SLC26A7: variants seen among roughly 807,000 people sequenced by gnomAD.
SLC26A7 encodes anion exchange transporter.
In SLC26A7, 59 loss-of-function variants were observed where a neutral mutation model predicts 82.5. That is an observed-to-expected ratio of 0.72 (90% CI 0.58 to 0.89). SLC26A7 has a LOEUF of 0.89. SLC26A7 is among the 40% of genes least tolerant of loss of function. The pLI, the probability that SLC26A7 is intolerant of heterozygous loss-of-function variation, is 0.00. For missense variants in SLC26A7, 820 were observed against 793.0 expected, an observed-to-expected ratio of 1.03 and a Z score of -0.41; for synonymous variants, 271 against 274.3, an observed-to-expected ratio of 0.99 and a Z score of 0.12.
At chr8:91,304,940 C>A (rs545118930) in intron 4 of SLC26A7, among the ~76,000 whole-genome samples, 17 of 152,308 alleles carry the variant, frequency 1.1e-4, no homozygotes, top group Admixed American at 3.9e-4. Flanking sequence ...CAAACATAAT[C>A]ATCTCAGAGA....
chr8:91,394,382 A>G lies in SLC26A7; in HGVS notation c.1935+343A>G, dbSNP rs978550851. On this transcript the variant is annotated intron_variant, in intron 18 of 18. Transcript: ENST00000276609. ...GAATCCACCTTTCTCAAATATAAAAACTCTAAATATGGCCTTTTAAGTTTT... is the reference window on the plus strand; with the variant it reads ...GAATCCACCTTTCTCAAATATAAAAGCTCTAAATATGGCCTTTTAAGTTTT... 4.0e-6 allele frequency: 6 copies of G among 1,513,660 alleles called. No individual in the cohort carries two copies. In the African/African-American group the frequency reaches 5.6e-5, roughly 14 times the overall value. The allele number at this position is 1,513,660 out of a possible 1,614,324, so 93.8% of individuals were successfully genotyped here. A position where few individuals can be genotyped will look rare whatever the true frequency, so the allele number is the denominator to read the frequency against.
chr8:91,332,341 A>G (rs1352883044), intron 5 of SLC26A7, among the ~76,000 whole-genome samples: 1 of 136,032 alleles, frequency 7.4e-6, no homozygotes, highest in South Asian at 2.2e-4. Flanking sequence ...TATTATATAT[A>G]ATATATATAA....
rs753793088 is a variant in SLC26A7, at chr8:91,351,810, G to A, written c.1141G>A (p.Val381Met). 2 of 1,606,938 alleles carry A rather than the reference G, an allele frequency of 1.2e-6. No individual in the cohort carries two copies. The highest frequency in any genetic ancestry group is 1.1e-5 in the South Asian group (1 of 90,782). The change falls in exon 10 of 19, where the codon GTG (valine) becomes ATG (methionine). Residue 381 changes from valine to methionine, a missense_variant and splice_region_variant. Physicochemically the swap from Val to Met is conservative, Grantham distance 21. Coordinates refer to ENST00000276609, the MANE Select transcript of SLC26A7 (RefSeq NM_052832.4). ...TTTTTGTCTGTCTTGTATTTTACAG[G>A]TGGCTTGTCTAATATCTTGCATTTT... ...GLYSTGAKTQ[V>M]ACLISCIFVL...
chr8:91,218,359 A>AGAAC (rs377428922), intron 1 of SLC26A7, among the ~76,000 whole-genome samples: 1 of 11,540 alleles, frequency 8.7e-5, no homozygotes, highest in Non-Finnish European at 1.9e-4. Flanking sequence ...TGTACAAATT[A>AGAAC]TTTTGAAGTA....
chr8:91,213,643 T>A (rs1201696954), intron 1 of SLC26A7, among the ~76,000 whole-genome samples: 1 of 152,100 alleles, frequency 6.6e-6, no homozygotes, highest in Non-Finnish European at 1.5e-5. Flanking sequence ...ATTAAATGAG[T>A]GATAGAGACC....
intron 4 of SLC26A7, among the ~76,000 whole-genome samples, chr8:91,300,861 T>A (rs186345050): frequency 2.2e-3 from 335 of 152,318 alleles, no homozygotes; most frequent in Non-Finnish European, 3.9e-3. Flanking sequence ...CTCCACAAAT[T>A]ATAATGCAGT....
chr8:91,285,433 G>A (rs13280977), intron 2 of SLC26A7, among the ~76,000 whole-genome samples: 8,398 of 152,334 alleles, frequency 0.055, 269 homozygotes, highest in African/African-American at 0.069. Flanking sequence ...AAGGACACCA[G>A]TCATATTGCA....
Position 91,389,412 on chromosome 8 carries a change from T to C in SLC26A7, c.1750T>C (p.Tyr584His). 1 of 1,613,368 alleles carries C rather than the reference T, an allele frequency of 6.2e-7. No individual in the cohort carries two copies. Among genetic ancestry groups the C allele is most frequent in the Non-Finnish European group, 8.5e-7 (1 of 1,179,304 alleles). Reference sequence around the variant, plus strand: ...TTGCAGTGGATTTACCTTTTTTGACTATTCTGGAGTCTCCATGCTTGTTGA... The same window carrying C: ...TTGCAGTGGATTTACCTTTTTTGACCATTCTGGAGTCTCCATGCTTGTTGA... ...LDCSGFTFFDYSGVSMLVEVY... is the reference protein window; with the variant it reads ...LDCSGFTFFDHSGVSMLVEVY... The change falls in exon 16 of 19, where the codon TAT becomes CAT. Residue 584 changes from tyrosine (Y) to histidine (H), a missense_variant. Physicochemically the swap from Tyr to His is moderately conservative, Grantham distance 83. Coordinates refer to ENST00000276609, the MANE Select transcript of SLC26A7 (RefSeq NM_052832.4).
chr8:91,238,835 C>G (rs1361924095), intron 2 of SLC26A7, among the ~76,000 whole-genome samples: 1 of 151,790 alleles, frequency 6.6e-6, no homozygotes. Context: ...ATAATAAGAA[C>G]GTTTATAGGG....
intron 5 of SLC26A7, among the ~76,000 whole-genome samples, chr8:91,324,103 A>G (rs1321069464): frequency 1.3e-5 from 2 of 152,178 alleles, no homozygotes; most frequent in Admixed American, 6.5e-5. Flanking sequence ...CTGGGATTAC[A>G]GGCATGAGCC....
chr8:91,366,354 T>C lies in SLC26A7; in HGVS notation c.1489-226T>C, dbSNP rs558975840. ...GCTAGGAGGAATAAGGGCCACTTTC[T>C]GAAAAGCTGCCAACCTTTCTTGCCA... is the stretch of plus-strand genomic sequence containing the variant. On this transcript the variant is annotated intron_variant, in intron 13 of 18. Transcript: ENST00000276609. Among the ~76,000 whole-genome samples the C allele has an allele frequency of 5.4e-4, 83 of 152,332 alleles. 1 individual carries two copies. Among genetic ancestry groups the C allele is most frequent in the African/African-American group, 1.9e-3 (77 of 41,578 alleles).
intron 5 of SLC26A7, among the ~76,000 whole-genome samples, chr8:91,332,160 C>T (rs544770267): frequency 7.1e-6 from 1 of 141,416 alleles, no homozygotes; most frequent in African/African-American, 2.8e-5. Context: ...TATATATATA[C>T]ACACACATAT....
intron 4 of SLC26A7, among the ~76,000 whole-genome samples, chr8:91,305,050 AG>A (rs1812265747): frequency 6.6e-6 from 1 of 152,188 alleles, no homozygotes; most frequent in African/African-American, 2.4e-5. Context: ...TGAATCTACC[AG>A]GAAATATTTT....
At chr8:91,216,164 G>A (rs35331152) in intron 1 of SLC26A7, among the ~76,000 whole-genome samples, 7,917 of 152,106 alleles carry the variant, frequency 0.052, 278 homozygotes, top group Middle Eastern at 0.16. Context: ...AACTAACAAC[G>A]GGCATTTAAT....
intron 4 of SLC26A7, among the ~76,000 whole-genome samples, chr8:91,304,937 A>C (rs1812262841): frequency 6.6e-6 from 1 of 152,178 alleles, no homozygotes; most frequent in Non-Finnish European, 1.5e-5. Context: ...GCTCAAACAT[A>C]ATCATCTCAG....
chr8:91,382,371 A>G (rs527544364), intron 15 of SLC26A7, among the ~76,000 whole-genome samples: 1 of 152,260 alleles, frequency 6.6e-6, no homozygotes, highest in African/African-American at 2.4e-5. Context: ...AGACAAATCC[A>G]TTTATGGCTC....
chr8:91,341,900 C>T (rs370421965), intron 8 of SLC26A7, among the ~76,000 whole-genome samples: 59 of 152,178 alleles, frequency 3.9e-4, no homozygotes, highest in African/African-American at 1.3e-3. Context: ...CCAATACCTG[C>T]TTAGCTCCTC....
intron 1 of SLC26A7, among the ~76,000 whole-genome samples, chr8:91,216,961 A>G (rs1810059835): frequency 6.6e-6 from 1 of 152,102 alleles, no homozygotes. Flanking sequence ...GTTTCTCCCC[A>G]GGCAGACACA....
intron 7 of SLC26A7, 95 bp from the exon 8 acceptor site, chr8:91,340,308 TA>T: frequency 6.8e-7 from 1 of 1,462,666 alleles, no homozygotes; most frequent in South Asian, 1.3e-5. Flanking sequence ...TTAGTCTATG[TA>T]AACTTCAGAG....
Sources: allele counts gnomAD v4.1 joint callset (sites outside exome capture counted in the v4.1 genomes callset), GRCh38; gene constraint gnomAD v4.1.1; transcripts MANE v1.5; gene names NCBI Gene and HGNC (gene_info 2026-07-23, HGNC 2026-07-21).